STAMBP: variants seen among roughly 807,000 people sequenced by gnomAD.
STAMBP encodes the protein STAM-binding protein.
Under a neutral mutation model 50.7 loss-of-function variants are expected in STAMBP, and 31 were observed. The observed-to-expected ratio is 0.61, with a 90% CI of 0.46 to 0.83. The LOEUF (loss-of-function observed/expected upper bound fraction) is 0.83, where lower values mean the gene tolerates loss of function less well. STAMBP is among the 40% of genes least tolerant of loss of function. STAMBP has a pLI of 0.00. For missense variants in STAMBP, 472 were observed against 518.9 expected, an observed-to-expected ratio of 0.91 and a Z score of 0.88; for synonymous variants, 211 against 192.4, an observed-to-expected ratio of 1.10 and a Z score of -0.80.
At chr2:73,858,221 G>GCCTTGA (rs1347790272) in intron 7 of STAMBP, among the ~76,000 whole-genome samples, 4 of 135,820 alleles carry the variant, frequency 2.9e-5, no homozygotes, top group Non-Finnish European at 6.1e-5. Flanking sequence ...AGCCAGGATG[G>GCCTTGA]TCTTGATCTC....
intron 2 of STAMBP, among the ~76,000 whole-genome samples, chr2:73,832,398 T>G (rs941823880): frequency 3.3e-5 from 5 of 149,562 alleles, no homozygotes; most frequent in Non-Finnish European, 7.4e-5. Context: ...GAGGTTGTAG[T>G]GAGCCGAGAT....
intron 2 of STAMBP, among the ~76,000 whole-genome samples, chr2:73,838,873 A>G (rs958670736): frequency 7.9e-5 from 12 of 152,188 alleles, no homozygotes; most frequent in African/African-American, 2.4e-4. Flanking sequence ...TCTTGGAGAT[A>G]CCTTTAAAAT....
chr2:73,861,969 C>T (rs1295008593), intron 9 of STAMBP, among the ~76,000 whole-genome samples: 2 of 152,052 alleles, frequency 1.3e-5, no homozygotes, highest in African/African-American at 4.8e-5. Context: ...GAAACCCCAC[C>T]TCTACTAAAA....
At position 73,862,354 on chromosome 2, in the gene STAMBP, G is replaced by A. The variant is rs1055619402; in HGVS notation, c.*95G>A. 12 of 1,118,670 alleles carry A rather than the reference G, an allele frequency of 1.1e-5. No homozygotes were observed. The highest frequency in any genetic ancestry group is 1.4e-5 in the Non-Finnish European group (11 of 803,278). 69.3% of individuals were successfully genotyped at this position (1,118,670 alleles called of 1,614,324 possible). A position where few individuals can be genotyped will look rare whatever the true frequency, so the allele number is the denominator to read the frequency against. ...TTTCTAGAAAGCTTTGGAAGTTTTT[G>A]TAGATAGTAGAAAGGGGGGCATCAC... On this transcript the variant is annotated 3_prime_UTR_variant, in exon 10 of 10. Transcript: ENST00000394070.
intron 9 of STAMBP, 30 bp from the exon 10 acceptor site, chr2:73,862,173 G>T: frequency 6.3e-7 from 1 of 1,583,278 alleles, no homozygotes; most frequent in Non-Finnish European, 8.5e-7. Flanking sequence ...GAATTTTCTA[G>T]GACTCCACCT....
downstream of STAMBP, among the ~76,000 whole-genome samples, chr2:73,869,555 A>T (rs1485677099): frequency 6.6e-6 from 1 of 152,206 alleles, no homozygotes; most frequent in African/African-American, 2.4e-5. Flanking sequence ...AATAACATTT[A>T]AAAATTGAAA....
intron 7 of STAMBP, among the ~76,000 whole-genome samples, chr2:73,855,233 C>G (rs1386357597): frequency 6.6e-6 from 1 of 152,156 alleles, no homozygotes; most frequent in Non-Finnish European, 1.5e-5. Context: ...GAAAATTTCC[C>G]TCTTAGGTAC....
Position 73,865,618 on chromosome 2 carries a change from C to A in STAMBP, c.*3359C>A, listed in dbSNP as rs563539853. ...GCAAATCACTTAACTTCCTAAATTT[C>A]TTTAAAATCTGTAAAATGGGATCAG... On this transcript the variant is annotated 3_prime_UTR_variant, in exon 10 of 10. Coordinates refer to ENST00000394070, the MANE Select transcript of STAMBP (RefSeq NM_213622.4). 1 of 152,216 alleles carries A rather than the reference C, an allele frequency of 6.6e-6. No homozygotes were observed. Among genetic ancestry groups the A allele is most frequent in the South Asian group, 2.1e-4 (1 of 4,830 alleles). 9.4% of individuals were successfully genotyped at this position (152,216 alleles called of 1,614,324 possible). A position where few individuals can be genotyped will look rare whatever the true frequency, so the allele number is the denominator to read the frequency against.
intron 2 of STAMBP, 142 bp from the exon 3 acceptor site, chr2:73,844,671 C>T (rs1675837320): frequency 1.6e-6 from 1 of 609,830 alleles, no homozygotes; most frequent in African/African-American, 1.9e-5. Flanking sequence ...GAGCATGGCC[C>T]AGCTGGGTGT....
intron 7 of STAMBP, among the ~76,000 whole-genome samples, chr2:73,852,494 T>C (rs936406942): frequency 1.3e-5 from 2 of 152,172 alleles, no homozygotes; most frequent in African/African-American, 4.8e-5. Flanking sequence ...GAATCCACTA[T>C]TTAGTGCTGA....
chr2:73,833,737 T>G (rs1283954562), intron 2 of STAMBP, among the ~76,000 whole-genome samples: 2 of 152,138 alleles, frequency 1.3e-5, no homozygotes, highest in Non-Finnish European at 2.9e-5. Flanking sequence ...ACATGTATAT[T>G]GAGTATACCT....
At chr2:73,868,367 G>GA (rs1423089134), downstream of STAMBP, among the ~76,000 whole-genome samples, 1 of 152,090 alleles carries the variant, frequency 6.6e-6, no homozygotes, top group Non-Finnish European at 1.5e-5. Context: ...AGAAAGTGAT[G>GA]AGTCGGATGG....
At position 73,844,905 on chromosome 2, in the gene STAMBP, A is replaced by G. The variant is rs373764740; in HGVS notation, c.279+17A>G. On this transcript the variant is annotated intron_variant, in intron 3 of 9. Coordinates refer to ENST00000394070, the MANE Select transcript of STAMBP (RefSeq NM_213622.4). ...ACAGTAAAGGTGGGTCTTCACTTTC[A>G]TTGTTGCCCATCTAAAAGCTTCAGA... is the stretch of plus-strand genomic sequence containing the variant. 2.5e-6 allele frequency: 4 copies of G among 1,612,284 alleles called. No individual in the cohort carries two copies. Among genetic ancestry groups the G allele is most frequent in the Non-Finnish European group, 2.5e-6 (3 of 1,179,526 alleles).
At chr2:73,831,084 T>C (rs1180117052) in intron 2 of STAMBP, 25 bp downstream of exon 2, 1 of 1,596,448 alleles carries the variant, frequency 6.3e-7, no homozygotes, top group Admixed American at 1.7e-5. Context: ...GTTTCCTTTT[T>C]CCTTTCTGGT....
intron 5 of STAMBP, 42 bp downstream of exon 5, chr2:73,847,795 C>A: frequency 1.3e-6 from 2 of 1,582,906 alleles, no homozygotes; most frequent in Non-Finnish European, 1.7e-6. Flanking sequence ...TCAGTTGCAG[C>A]CAAACAGTAT....
intron 9 of STAMBP, among the ~76,000 whole-genome samples, chr2:73,861,643 C>G (rs1315047802): frequency 2.0e-5 from 3 of 151,138 alleles, no homozygotes; most frequent in Non-Finnish European, 4.4e-5. Context: ...CTCAGCCTCT[C>G]GAGTAGCTGG....
intron 9 of STAMBP, among the ~76,000 whole-genome samples, chr2:73,861,521 T>C (rs1678317514): frequency 6.6e-6 from 1 of 151,704 alleles, no homozygotes; most frequent in African/African-American, 2.4e-5. Context: ...TTTTTGTTTT[T>C]GTTTTTGTTT....
chr2:73,868,348 T>A (rs1318217910), downstream of STAMBP, among the ~76,000 whole-genome samples: 2 of 152,052 alleles, frequency 1.3e-5, no homozygotes, highest in African/African-American at 4.8e-5. Context: ...TGCCCATGAT[T>A]CCACTGCTAG....
At chr2:73,832,505 C>T (rs566690267) in intron 2 of STAMBP, among the ~76,000 whole-genome samples, 1 of 151,826 alleles carries the variant, frequency 6.6e-6, no homozygotes, top group African/African-American at 2.4e-5. Context: ...CTTTTCCCCC[C>T]AAACCCTCAG....
Sources: gnomAD v4.1 joint callset for allele counts (sites outside exome capture counted in the v4.1 genomes callset) on GRCh38, gnomAD v4.1.1 for gene constraint, MANE v1.5 for transcripts, NCBI Gene and HGNC (gene_info 2026-07-23, HGNC 2026-07-21) for gene names.